The following DIXDC1 variants were observed in gnomAD, a reference collection of about 807,000 sequenced individuals.
DIXDC1 encodes DIX domain containing 1, also known as dixin.
DIXDC1 carries 64 observed loss-of-function variants against 103.1 expected under a neutral mutation model. The observed-to-expected ratio is 0.62, with a 90% confidence interval of 0.51 to 0.76. DIXDC1 has a LOEUF of 0.76. Ranked by LOEUF, DIXDC1 falls within the 30% of genes least tolerant of loss-of-function variation. The probability of loss-of-function intolerance (pLI) is 0.00; values close to 1 mark genes in which losing one functional copy is unlikely to be tolerated. For missense variants in DIXDC1, 759 were observed against 834.2 expected, an observed-to-expected ratio of 0.91 and a Z score of 1.11; for synonymous variants, 266 against 298.5, an observed-to-expected ratio of 0.89 and a Z score of 1.12.
intron 1 of DIXDC1, among the ~76,000 whole-genome samples, chr11:111,959,513 T>C (rs587723576): frequency 1.3e-5 from 2 of 152,352 alleles, no homozygotes; most frequent in African/African-American, 4.8e-5. Flanking sequence ...CCATGTTCAC[T>C]TGATCACACA....
intron 1 of DIXDC1, among the ~76,000 whole-genome samples, chr11:111,951,247 G>C (rs1266050179): frequency 1.3e-5 from 2 of 152,036 alleles, no homozygotes; most frequent in Non-Finnish European, 2.9e-5. Flanking sequence ...TTCTATAGAA[G>C]AATTAGAGAA....
At chr11:111,939,376 G>A (rs1966340181) in intron 1 of DIXDC1, among the ~76,000 whole-genome samples, 1 of 152,188 alleles carries the variant, frequency 6.6e-6, no homozygotes, top group South Asian at 2.1e-4. Flanking sequence ...TGGGAGAGTG[G>A]TCTTTTTGTG....
chr11:111,971,508 A>T (rs1422087657), intron 3 of DIXDC1, among the ~76,000 whole-genome samples: 2 of 152,248 alleles, frequency 1.3e-5, no homozygotes, highest in African/African-American at 4.8e-5. Context: ...GTTGGTGGGA[A>T]TGTAACTTTG....
At chr11:111,952,923 G>C (rs1009710795) in intron 1 of DIXDC1, among the ~76,000 whole-genome samples, 1 of 152,076 alleles carries the variant, frequency 6.6e-6, no homozygotes, top group Non-Finnish European at 1.5e-5. Context: ...TTGGGAGGTT[G>C]AGGCTGCAGT....
At chr11:111,930,021 T>A in intron 2 of DIXDC1, 1 of 1,035,762 alleles carries the variant, frequency 9.7e-7, no homozygotes, top group Non-Finnish European at 1.4e-6. Flanking sequence ...AACAGAATTT[T>A]AATATATTTG....
intron 18 of DIXDC1, 68 bp downstream of exon 18, chr11:112,016,864 G>T (rs1210189117): frequency 3.0e-6 from 4 of 1,327,462 alleles, no homozygotes; most frequent in Non-Finnish European, 4.2e-6. Flanking sequence ...ATTAGTTACT[G>T]CCCACATGAG....
intron 17 of DIXDC1, among the ~76,000 whole-genome samples, chr11:112,010,372 C>T (rs1296666370): frequency 1.3e-5 from 2 of 152,108 alleles, no homozygotes; most frequent in Non-Finnish European, 2.9e-5. Context: ...AAAATGGCCA[C>T]ACTGCCCAAG....
intron 17 of DIXDC1, among the ~76,000 whole-genome samples, chr11:112,003,738 C>T (rs1380067715): frequency 3.3e-5 from 5 of 151,634 alleles, no homozygotes; most frequent in South Asian, 4.2e-4. Flanking sequence ...GTGGAGGTTG[C>T]GGTGAGCCGA....
Position 111,974,059 on chromosome 11 carries a change from T to C in DIXDC1, c.353T>C (p.Leu118Pro), listed in dbSNP as rs587595961. ...GGAAACCTGAAGTCTATCATGAGGC[T>C]GGTCCTTGCCTTGGCAGCTCATTTC... The part of the protein sequence containing the change: ...VDGNLKSIMR[L>P]VLALAAHFKP... Residue 118 changes from leucine to proline, a missense_variant, in exon 4 of 20, where the codon CTG becomes CCG. Leu to Pro is a moderately conservative substitution (Grantham distance 98). Around this residue, in one of 3 missense-constraint regions of DIXDC1, gnomAD observed 657 missense variants for 727.5 expected, o/e 0.90. Transcript: ENST00000440460. 6.2e-7 allele frequency: 1 copy of C among 1,613,984 alleles called. No individual in the cohort carries two copies. The highest frequency in any genetic ancestry group is 1.1e-5 in the South Asian group (1 of 91,076).
At chr11:111,965,655 T>C (rs1393096529) in intron 2 of DIXDC1, among the ~76,000 whole-genome samples, 1 of 152,224 alleles carries the variant, frequency 6.6e-6, no homozygotes, top group Non-Finnish European at 1.5e-5. Flanking sequence ...TTTCATTTAA[T>C]CATCATATCT....
At chr11:111,994,969 TG>T (rs1860842552) in intron 14 of DIXDC1, 49 bp from the exon 15 acceptor site, 2 of 1,533,448 alleles carry the variant, frequency 1.3e-6, no homozygotes, top group Non-Finnish European at 1.8e-6. Flanking sequence ...ATAGCACATC[TG>T]GTTTACAATT....
intron 1 of DIXDC1, among the ~76,000 whole-genome samples, chr11:111,938,962 G>T (rs991771739): frequency 3.9e-5 from 6 of 152,210 alleles, no homozygotes; most frequent in African/African-American, 1.4e-4. Context: ...TCTAAGAGTT[G>T]AAACACAGAA....
chr11:112,005,388 A>G (rs1555176489), intron 17 of DIXDC1, among the ~76,000 whole-genome samples: 1 of 152,088 alleles, frequency 6.6e-6, no homozygotes, highest in African/African-American at 2.4e-5. Context: ...TGTATACCCA[A>G]TAACAGCTTT....
intron 1 of DIXDC1, among the ~76,000 whole-genome samples, chr11:111,960,322 G>A (rs1859528806): frequency 1.3e-5 from 2 of 151,792 alleles, no homozygotes; most frequent in South Asian, 2.1e-4. Context: ...TTGGCCGGGC[G>A]CAGTGGCTCA....
chr11:111,946,603 T>G (rs1966606628), intron 1 of DIXDC1: 1 of 208,014 alleles, frequency 4.8e-6, no homozygotes, highest in Non-Finnish European at 1.0e-5. Flanking sequence ...TCAAGTGATC[T>G]GCCTACCTCA....
At chr11:111,962,917 A>T (rs587680352) in intron 1 of DIXDC1, among the ~76,000 whole-genome samples, 1 of 152,254 alleles carries the variant, frequency 6.6e-6, no homozygotes, top group South Asian at 2.1e-4. Context: ...AGCATCACAG[A>T]TCTCATCTGG....
Position 111,958,804 on chromosome 11 carries a change from T to C in DIXDC1, c.61-5745T>C, listed in dbSNP as rs1859476289. On this transcript the variant is annotated intron_variant, in intron 1 of 19. Transcript: ENST00000440460. This position sits in a 1 kb window ranked among gnomAD's most constrained non-coding sequence, Gnocchi z 4.2. ...ACCAATCAGTACACACTTCCTCCCC[T>C]TTGAAGCCCATCAAAACCCCAGACT... Among the ~76,000 whole-genome samples the C allele has an allele frequency of 6.6e-6, 1 of 152,122 alleles. No individual in the cohort carries two copies. Among genetic ancestry groups the C allele is most frequent in the African/African-American group, 2.4e-5 (1 of 41,404 alleles).
Position 112,021,929 on chromosome 11 carries a change from T to G in DIXDC1, c.*2893T>G, listed in dbSNP as rs1321549477. On this transcript the variant is annotated 3_prime_UTR_variant, in exon 20 of 20. Transcript: ENST00000440460. Reference sequence around the variant, plus strand: ...CCAGGAGTTTGAGGTTGCAGTGAGCTGATCATGCCACTGCACTCTAGCCTA... The same window carrying G: ...CCAGGAGTTTGAGGTTGCAGTGAGCGGATCATGCCACTGCACTCTAGCCTA... The G allele has an allele frequency of 2.7e-5, 4 of 147,458 alleles. No homozygotes were observed. The highest frequency in any genetic ancestry group is 1.0e-4 in the African/African-American group (4 of 39,686). 9.1% of individuals were successfully genotyped at this position (147,458 alleles called of 1,614,324 possible).
At position 111,977,580 on chromosome 11, in the gene DIXDC1, A is replaced by ACGCCGC. The variant is rs782303577; in HGVS notation, c.656+2609_656+2614dup. 3.7e-5 allele frequency: 56 copies of ACGCCGC among 1,498,532 alleles called. No homozygotes were observed. Among genetic ancestry groups the ACGCCGC allele is most frequent in the East Asian group, 5.1e-5 (2 of 39,460 alleles). 92.8% of individuals were successfully genotyped at this position (1,498,532 alleles called of 1,614,324 possible). ...GAGCATCCCAGTCGCTGGGGCCGAGACGCCGCCGCCGCCGCCGTTCCCGCT... is the reference window on the plus strand; with the variant it reads ...GAGCATCCCAGTCGCTGGGGCCGAGACGCCGCCGCCGCCGCCGCCGCCGTTCCCGCT... On this transcript the variant is annotated intron_variant, in intron 5 of 19. Transcript: ENST00000440460. The surrounding 1 kb of genome is among the most constrained non-coding windows in gnomAD (Gnocchi z 6.1).
Sources: allele counts gnomAD v4.1 joint callset (sites outside exome capture counted in the v4.1 genomes callset), GRCh38; gene constraint gnomAD v4.1.1; regional missense constraint gnomAD v4.1.1; non-coding constraint Gnocchi (gnomAD v3.1); transcripts MANE v1.5; gene names NCBI Gene and HGNC (gene_info 2026-07-23, HGNC 2026-07-21).